The following GRAMD1C variants were observed in gnomAD, a reference collection of about 807,000 sequenced individuals.
GRAMD1C encodes protein Aster-C.
A neutral mutation model predicts 97.8 loss-of-function variants in GRAMD1C; 89 were observed. That is an observed-to-expected ratio of 0.91 (90% CI 0.77 to 1.09). The LOEUF is 1.09. GRAMD1C is among the 50% of genes least tolerant of loss of function. The pLI is 0.00. For missense variants in GRAMD1C, 740 were observed against 766.4 expected, an observed-to-expected ratio of 0.97 and a Z score of 0.41; for synonymous variants, 256 against 267.0, an observed-to-expected ratio of 0.96 and a Z score of 0.40.
intron 15 of GRAMD1C, chr3:113,939,681 A>G (rs1392584991): frequency 2.2e-6 from 1 of 456,878 alleles, no homozygotes; most frequent in Non-Finnish European, 3.9e-6. Flanking sequence ...CACTCTAATT[A>G]CCTTCCATCT....
chr3:113,932,796 C>T (rs528371368), intron 11 of GRAMD1C, among the ~76,000 whole-genome samples: 32 of 152,288 alleles, frequency 2.1e-4, no homozygotes, highest in African/African-American at 7.5e-4. Flanking sequence ...ACCTCAAACT[C>T]CTGGGCTCAA....
At chr3:113,927,500 C>T (rs939465127) in intron 10 of GRAMD1C, among the ~76,000 whole-genome samples, 2 of 152,166 alleles carry the variant, frequency 1.3e-5, no homozygotes, top group Non-Finnish European at 2.9e-5. Context: ...AGAGGGAGGG[C>T]TTCTCCCTCC....
At chr3:113,855,687 G>A (rs900188409) in intron 2 of GRAMD1C, among the ~76,000 whole-genome samples, 6 of 150,796 alleles carry the variant, frequency 4.0e-5, no homozygotes, top group South Asian at 2.1e-4. Context: ...CCTGGGTGAC[G>A]AGTGAGACTC....
chr3:113,911,110 C>T (rs1399525523), intron 9 of GRAMD1C, among the ~76,000 whole-genome samples: 2 of 151,232 alleles, frequency 1.3e-5, no homozygotes, highest in African/African-American at 2.4e-5. Context: ...TTCCTTAGCA[C>T]ATGCTCATGG....
intron 1 of GRAMD1C, among the ~76,000 whole-genome samples, chr3:113,831,916 C>A (rs1174174801): frequency 6.6e-6 from 1 of 152,146 alleles, no homozygotes; most frequent in African/African-American, 2.4e-5. Flanking sequence ...AATGCTCAGG[C>A]TTCATTAGGG....
chr3:113,866,025 C>G (rs776673922), intron 2 of GRAMD1C, among the ~76,000 whole-genome samples: 1 of 152,082 alleles, frequency 6.6e-6, no homozygotes, highest in African/African-American at 2.4e-5. Flanking sequence ...GGAGAATGTT[C>G]CATCCGTGCT....
intron 11 of GRAMD1C, among the ~76,000 whole-genome samples, chr3:113,932,109 T>A (rs1007406426): frequency 1.8e-4 from 27 of 152,118 alleles, no homozygotes; most frequent in African/African-American, 6.5e-4. Context: ...GTGACCAGAG[T>A]GGCAGTGTCT....
intron 4 of GRAMD1C, chr3:113,875,855 T>C (rs1577151742): frequency 2.5e-6 from 1 of 397,226 alleles, no homozygotes; most frequent in African/African-American, 2.0e-5. Context: ...GCCAAAACCA[T>C]GTCTTAAGTG....
chr3:113,857,503 G>C (rs1934190400), intron 2 of GRAMD1C, among the ~76,000 whole-genome samples: 1 of 151,820 alleles, frequency 6.6e-6, no homozygotes, highest in South Asian at 2.1e-4. Context: ...AGCCTCCCGA[G>C]TAGCTGGGAC....
At chr3:113,873,814 C>T (rs558519151) in intron 3 of GRAMD1C, among the ~76,000 whole-genome samples, 5 of 152,246 alleles carry the variant, frequency 3.3e-5, no homozygotes, top group South Asian at 2.1e-4. Context: ...CCACCACACT[C>T]GGCCGCAATA....
rs552270423 is a variant in GRAMD1C at position 113,936,250 on chromosome 3, T to G, written c.1457-16T>G. 188 of 1,114,816 alleles carry G rather than the reference T, an allele frequency of 1.7e-4. 1 individual carries two copies. In the South Asian group the frequency reaches 2.8e-3, roughly 17 times the overall value. 69.1% of individuals were successfully genotyped at this position (1,114,816 alleles called of 1,614,324 possible). On this transcript the variant is annotated splice_polypyrimidine_tract_variant and intron_variant, in intron 13 of 17. Coordinates refer to ENST00000358160, the MANE Select transcript of GRAMD1C (RefSeq NM_017577.5). ...AGCTTTCCTCACTATATAAAGATTGTTTTTTTTTTTCTTAGAATCAGATTT... is the reference window on the plus strand; with the variant it reads ...AGCTTTCCTCACTATATAAAGATTGGTTTTTTTTTTCTTAGAATCAGATTT...
chr3:113,851,950 C>T (rs898207991), intron 2 of GRAMD1C, among the ~76,000 whole-genome samples: 4 of 152,062 alleles, frequency 2.6e-5, no homozygotes, highest in African/African-American at 9.7e-5. Flanking sequence ...CTCACTGCAA[C>T]CTCCGCCTCC....
chr3:113,895,295 A>T (rs2107435128), intron 6 of GRAMD1C, among the ~76,000 whole-genome samples: 1 of 152,286 alleles, frequency 6.6e-6, no homozygotes, highest in East Asian at 1.9e-4. Context: ...CCAGAAAGGA[A>T]TCTTCCCCAC....
chr3:113,912,322 T>C (rs1936632996), intron 9 of GRAMD1C, among the ~76,000 whole-genome samples: 1 of 152,244 alleles, frequency 6.6e-6, no homozygotes, highest in Non-Finnish European at 1.5e-5. Context: ...TTTATGTAGA[T>C]GTAAGTTTAC....
intron 1 of GRAMD1C, among the ~76,000 whole-genome samples, chr3:113,829,425 T>C (rs927221158): frequency 6.6e-6 from 1 of 151,980 alleles, no homozygotes; most frequent in Non-Finnish European, 1.5e-5. Context: ...GCTTGGGTAA[T>C]AGAGAGAGAC....
In GRAMD1C at chr3:113,947,073, T is replaced by G. The variant is rs1319351808; in HGVS notation, c.*1595T>G. On this transcript the variant is annotated 3_prime_UTR_variant, in exon 18 of 18. Coordinates refer to ENST00000358160, the MANE Select transcript of GRAMD1C (RefSeq NM_017577.5). ...TTCAAGGAAGAGTATCGAAGTAAGT[T>G]GCTTTATAAATTAAGACTAAATTCG... 2 of 152,262 alleles carry G rather than the reference T, an allele frequency of 1.3e-5. No homozygotes were observed. The highest frequency in any genetic ancestry group is 2.9e-5 in the Non-Finnish European group (2 of 68,044). The allele number at this position is 152,262 out of a possible 1,614,324, so 9.4% of individuals were successfully genotyped here.
At chr3:113,905,067 C>T (rs541533543) in intron 8 of GRAMD1C, among the ~76,000 whole-genome samples, 1 of 152,292 alleles carries the variant, frequency 6.6e-6, no homozygotes, top group African/African-American at 2.4e-5. Context: ...AACCCCTGAC[C>T]TCATGATCCA....
At chr3:113,860,523 C>G (rs1934323592) in intron 2 of GRAMD1C, among the ~76,000 whole-genome samples, 1 of 152,058 alleles carries the variant, frequency 6.6e-6, no homozygotes. Context: ...TAAAAATGGT[C>G]AAGCAGTACC....
chr3:113,850,591 C>A (rs1933853187), intron 2 of GRAMD1C: 10 of 1,607,552 alleles, frequency 6.2e-6, no homozygotes, highest in Non-Finnish European at 8.5e-6. Flanking sequence ...GACTGCATGG[C>A]CTTCATGACA....
Sources: gnomAD v4.1 joint callset for allele counts (sites outside exome capture counted in the v4.1 genomes callset) on GRCh38, gnomAD v4.1.1 for gene constraint, MANE v1.5 for transcripts, NCBI Gene and HGNC (gene_info 2026-07-23, HGNC 2026-07-21) for gene names.